GOT1: variants seen among roughly 807,000 people sequenced by gnomAD.
The protein encoded by GOT1 is aspartate aminotransferase, cytoplasmic.
Under a neutral mutation model 48.2 loss-of-function variants are expected in GOT1, and 25 were observed. The ratio of observed to expected loss-of-function variants is 0.52; its 90% confidence interval spans 0.38 to 0.72. The LOEUF is 0.72. Among genes scored for constraint, GOT1 ranks in the 30% least tolerant of loss-of-function variants. The probability of loss-of-function intolerance (pLI) is 0.00; values close to 1 mark genes in which losing one functional copy is unlikely to be tolerated. For missense variants in GOT1, 380 were observed against 520.1 expected (o/e 0.73, Z 2.62); for synonymous variants, 188 against 193.8 (o/e 0.97, Z 0.25).
intron 8 of GOT1, among the ~76,000 whole-genome samples, chr10:99,401,496 G>T (rs2032677431): frequency 6.6e-6 from 1 of 152,060 alleles, no homozygotes; most frequent in Non-Finnish European, 1.5e-5. Flanking sequence ...GGACACACAG[G>T]TGAGTCGCCA....
At position 99,397,452 on chromosome 10, in the gene GOT1, G is replaced by A; in HGVS notation, c.*95C>T. The A allele has an allele frequency of 5.3e-6, 7 of 1,315,580 alleles. No homozygotes were observed. In the South Asian group the frequency reaches 8.7e-5, roughly 16 times the overall value. The allele number at this position is 1,315,580 out of a possible 1,614,324, so 81.5% of individuals were successfully genotyped here. A position where few individuals can be genotyped will look rare whatever the true frequency, so the allele number is the denominator to read the frequency against. The stretch of plus-strand genomic sequence containing the variant: ...AGAGCAGCCTTTCAGTCCTGCAAGT[G>A]TCTCTAATCCATGGTATGTACATGT... On this transcript the variant is annotated 3_prime_UTR_variant, in exon 9 of 9. Transcript: ENST00000370508. This position sits in a 1 kb window ranked among gnomAD's most constrained non-coding sequence, Gnocchi z 5.4.
chr10:99,406,522 T>A (rs994923206), intron 3 of GOT1, among the ~76,000 whole-genome samples: 2 of 152,212 alleles, frequency 1.3e-5, no homozygotes, highest in African/African-American at 4.8e-5. Context: ...TAGATACAAG[T>A]CTACTAAGAG....
chr10:99,427,745 G>A (rs1263822793), intron 1 of GOT1, among the ~76,000 whole-genome samples: 2 of 152,170 alleles, frequency 1.3e-5, no homozygotes, highest in Non-Finnish European at 2.9e-5. Flanking sequence ...GCTACCACCT[G>A]GAGGTACCTG....
chr10:99,398,366 T>C (rs1244230529), intron 8 of GOT1, among the ~76,000 whole-genome samples: 1 of 152,228 alleles, frequency 6.6e-6, no homozygotes, highest in Non-Finnish European at 1.5e-5. Flanking sequence ...GGCAAATCCA[T>C]TGATAGAATT....
At chr10:99,407,183 G>A (rs1361993153) in intron 2 of GOT1, among the ~76,000 whole-genome samples, 1 of 13,040 alleles carries the variant, frequency 7.7e-5, no homozygotes, top group African/African-American at 1.1e-4. Flanking sequence ...GGCCACATTA[G>A]TGTGTGTGTG....
chr10:99,417,010 T>C (rs1589941225), intron 2 of GOT1, among the ~76,000 whole-genome samples: 1 of 152,178 alleles, frequency 6.6e-6, no homozygotes, highest in South Asian at 2.1e-4. Context: ...ATTCAGGACA[T>C]AGGCATGGGC....
At chr10:99,399,988 C>T (rs1226712619) in intron 8 of GOT1, among the ~76,000 whole-genome samples, 1 of 152,162 alleles carries the variant, frequency 6.6e-6, no homozygotes, top group Admixed American at 6.5e-5. Flanking sequence ...GTGTGCCACT[C>T]TTTCTAAAAG....
intron 2 of GOT1, among the ~76,000 whole-genome samples, chr10:99,416,863 A>C (rs2032901768): frequency 6.6e-6 from 1 of 152,232 alleles, no homozygotes; most frequent in Non-Finnish European, 1.5e-5. Context: ...TGCTGGGAAA[A>C]CTGGCTAGAC....
chr10:99,412,753 A>C (rs562069643), intron 2 of GOT1, among the ~76,000 whole-genome samples: 2 of 152,288 alleles, frequency 1.3e-5, no homozygotes, highest in South Asian at 4.1e-4. Flanking sequence ...CGAAACTTCC[A>C]GAGGAACGAT....
Position 99,397,441 on chromosome 10 carries a change from G to T in GOT1, c.*106C>A. The T allele has an allele frequency of 8.2e-7, 1 of 1,223,980 alleles. No homozygotes were observed. The highest frequency in any genetic ancestry group is 1.2e-6 in the Non-Finnish European group (1 of 839,578). 75.8% of individuals were successfully genotyped at this position (1,223,980 alleles called of 1,614,324 possible). On this transcript the variant is annotated 3_prime_UTR_variant, in exon 9 of 9. Coordinates refer to ENST00000370508, the MANE Select transcript of GOT1 (RefSeq NM_002079.3). The surrounding 1 kb of genome is among the most constrained non-coding windows in gnomAD (Gnocchi z 5.4). The stretch of plus-strand genomic sequence containing the variant: ...GCTGCCTCACCAGAGCAGCCTTTCA[G>T]TCCTGCAAGTGTCTCTAATCCATGG...
In GOT1 at chr10:99,430,475, G is replaced by T; in HGVS notation, c.91C>A (p.Pro31Thr). 1 of 1,611,406 alleles carries T rather than the reference G, an allele frequency of 6.2e-7. No homozygotes were observed. Among genetic ancestry groups the T allele is most frequent in the Non-Finnish European group, 8.5e-7 (1 of 1,178,280 alleles). Residue 31 changes from proline to threonine, a missense_variant, in exon 1 of 9, where the codon CCC (proline) becomes ACC (threonine). Pro to Thr is a conservative substitution (Grantham distance 38). Transcript: ENST00000370508. ...LTADFREDPD[P>T]RKVNLGVGAY... ...CCCACTCCCAGGTTGACCTTGCGGG[G>T]GTCCGGATCCTCCCTGAAGTCGGCA... is the stretch of plus-strand genomic sequence containing the variant.
In GOT1 at chr10:99,402,729, C is replaced by T. The variant is rs1362368546; in HGVS notation, c.960-7G>A. On this transcript the variant is annotated splice_polypyrimidine_tract_variant and splice_region_variant and intron_variant, in intron 7 of 8. Transcript: ENST00000370508. ...TGTCTTCACATTACCTGTCCTGAAG[C>T]ATGGACAGTGACGTAAATACCAATC... The T allele has an allele frequency of 6.2e-6, 10 of 1,611,972 alleles. No individual in the cohort carries two copies. Among genetic ancestry groups the T allele is most frequent in the Non-Finnish European group, 8.5e-6 (10 of 1,178,012 alleles).
chr10:99,402,870 A>G lies in GOT1; in HGVS notation c.960-148T>C, dbSNP rs1384846416. On this transcript the variant is annotated intron_variant, in intron 7 of 8. Transcript: ENST00000370508. Reference sequence around the variant, plus strand: ...GGCATGTGGATGTCTGGATGGGTGGATTAACATACCAGAGAGAGAGACTTA... The same window carrying G: ...GGCATGTGGATGTCTGGATGGGTGGGTTAACATACCAGAGAGAGAGACTTA... 6.1e-6 allele frequency: 4 copies of G among 656,818 alleles called. No individual in the cohort carries two copies. The East Asian group carries it at 1.1e-4, about 18-fold the overall frequency. The allele number at this position is 656,818 out of a possible 1,614,324, so 40.7% of individuals were successfully genotyped here.
chr10:99,422,576 A>C (rs118020653), intron 1 of GOT1, among the ~76,000 whole-genome samples: 3 of 152,310 alleles, frequency 2.0e-5, no homozygotes, highest in Admixed American at 2.0e-4. Flanking sequence ...CTATTCTTCT[A>C]ATAGGTGACA....
At chr10:99,424,908 A>G (rs554237133) in intron 1 of GOT1, among the ~76,000 whole-genome samples, 4 of 152,314 alleles carry the variant, frequency 2.6e-5, no homozygotes, top group African/African-American at 9.6e-5. Flanking sequence ...AACAACCACT[A>G]TTCCTGCTGT....
At chr10:99,409,401 G>T (rs956577921) in intron 2 of GOT1, among the ~76,000 whole-genome samples, 6 of 152,104 alleles carry the variant, frequency 3.9e-5, no homozygotes, top group African/African-American at 1.4e-4. Flanking sequence ...AAAGTACTGG[G>T]ATTACAGGCA....
At position 99,402,682 on chromosome 10, in the gene GOT1, T is replaced by C. The variant is rs759964881; in HGVS notation, c.1000A>G (p.Met334Val). ...VKTMADRILT[M>V]RSELRARLEA... is the part of the protein sequence containing the mutation. The stretch of plus-strand genomic sequence containing the variant: ...AGTCGTGCCCTGAGTTCAGATCTCA[T>C]GGTCAGAATCCGGTCAGCCATTGTC... The change falls in exon 8 of 9, where the codon ATG (methionine) becomes GTG (valine). Residue 334 changes from methionine to valine, a missense_variant. Transcript: ENST00000370508. The C allele has an allele frequency of 1.9e-6, 3 of 1,613,830 alleles. No individual in the cohort carries two copies. Among genetic ancestry groups the C allele is most frequent in the Non-Finnish European group, 2.5e-6 (3 of 1,179,686 alleles).
chr10:99,403,438 C>T (rs2032712186), intron 7 of GOT1, 31 bp downstream of exon 7: 1 of 1,580,820 alleles, frequency 6.3e-7, no homozygotes, highest in Non-Finnish European at 8.7e-7. Context: ...CACTCCCCAC[C>T]CCCCGGCCCA....
At position 99,420,235 on chromosome 10, in the gene GOT1, G is replaced by A. The variant is rs113768231; in HGVS notation, c.300+389C>T. ...GTGCTCCTCATGGGATCACAGACTC[G>A]CACTATGTGGTCTTTTTCTAACATG... is the stretch of plus-strand genomic sequence containing the variant. On this transcript the variant is annotated intron_variant, in intron 2 of 8. Coordinates refer to ENST00000370508, the MANE Select transcript of GOT1 (RefSeq NM_002079.3). The A allele has an allele frequency of 1.7e-3, 278 of 167,892 alleles. 1 individual carries two copies. In the Middle Eastern group the frequency reaches 0.029, roughly 18 times the overall value. The allele number at this position is 167,892 out of a possible 1,614,324, so 10.4% of individuals were successfully genotyped here. A position where few individuals can be genotyped will look rare whatever the true frequency, so the allele number is the denominator to read the frequency against.
Sources: gnomAD v4.1 joint callset for allele counts (sites outside exome capture counted in the v4.1 genomes callset) on GRCh38, gnomAD v4.1.1 for gene constraint, Gnocchi (gnomAD v3.1) non-coding constraint, MANE v1.5 for transcripts, NCBI Gene and HGNC (gene_info 2026-07-23, HGNC 2026-07-21) for gene names.